STIL: variants seen among roughly 807,000 people sequenced by gnomAD.
STIL encodes the protein STIL centriolar assembly protein.
Under a neutral mutation model 110.1 loss-of-function variants are expected in STIL, and 55 were observed. The observed-to-expected ratio is 0.50, with a 90% CI of 0.40 to 0.63. The LOEUF is 0.63. Ranked by LOEUF, STIL falls within the 20% of genes least tolerant of loss-of-function variation. The pLI is 0.00. For missense variants in STIL, 1,358 were observed against 1,530.0 expected, an observed-to-expected ratio of 0.89 and a Z score of 1.87; for synonymous variants, 481 against 530.0, an observed-to-expected ratio of 0.91 and a Z score of 1.27.
At chr1:47,259,359 G>A (rs1644419615) in intron 16 of STIL, among the ~76,000 whole-genome samples, 1 of 126,722 alleles carries the variant, frequency 7.9e-6, no homozygotes, top group Non-Finnish European at 1.6e-5. Flanking sequence ...GCGCTATCTC[G>A]GCTCACTGCG....
In STIL at chr1:47,251,516, C is replaced by T. The variant is rs145089798; in HGVS notation, c.3487G>A (p.Glu1163Lys). The T allele has an allele frequency of 2.7e-5, 44 of 1,614,054 alleles. No homozygotes were observed. Among genetic ancestry groups the T allele is most frequent in the Non-Finnish European group, 3.6e-5 (42 of 1,180,042 alleles). The part of the protein sequence containing the change: ...LLNQNLRSIP[E>K]QLGGQKEPSK... ...GGCTCTTTCTGACCACCAAGCTGTTCAGGTATGGACCTAAGGTTCTGATTC... is the reference window on the plus strand; with the variant it reads ...GGCTCTTTCTGACCACCAAGCTGTTTAGGTATGGACCTAAGGTTCTGATTC... The change falls in exon 17 of 17, where the codon GAA becomes AAA. Residue 1163 changes from glutamate to lysine, a missense_variant. Coordinates refer to ENST00000371877, the MANE Select transcript of STIL (RefSeq NM_001048166.1).
At chr1:47,260,262 T>C in intron 16 of STIL, 27 bp downstream of exon 16, 1 of 1,591,584 alleles carries the variant, frequency 6.3e-7, no homozygotes, top group Non-Finnish European at 8.5e-7. Flanking sequence ...ATTTATTCAC[T>C]CTTTAAAACA....
At chr1:47,291,813 G>A (rs1477219503) in intron 8 of STIL, among the ~76,000 whole-genome samples, 1 of 151,974 alleles carries the variant, frequency 6.6e-6, no homozygotes, top group Admixed American at 6.6e-5. Context: ...TGATCCACCC[G>A]CCTTGGCCTC....
At chr1:47,274,890 A>G (rs1014445745) in intron 12 of STIL, among the ~76,000 whole-genome samples, 1 of 151,900 alleles carries the variant, frequency 6.6e-6, no homozygotes, top group Admixed American at 6.6e-5. Flanking sequence ...AGTGGCTCAC[A>G]CCTGAAATCC....
intron 14 of STIL, among the ~76,000 whole-genome samples, chr1:47,265,250 A>AAAAAAAC (rs1644609532): frequency 4.7e-5 from 7 of 148,592 alleles, no homozygotes; most frequent in Non-Finnish European, 4.5e-5. Flanking sequence ...AAAAAAAAAA[A>AAAAAAAC]AAAAAAAAAA....
intron 14 of STIL, among the ~76,000 whole-genome samples, chr1:47,268,890 G>A (rs534670394): frequency 2.0e-5 from 3 of 151,942 alleles, no homozygotes; most frequent in Non-Finnish European, 2.9e-5. Context: ...TCAGGAGATC[G>A]AGGCCATCCT....
chr1:47,269,039 C>T (rs1181553468), intron 14 of STIL, among the ~76,000 whole-genome samples: 2 of 149,658 alleles, frequency 1.3e-5, no homozygotes, highest in Non-Finnish European at 3.0e-5. Context: ...TGCAGTGAGC[C>T]GAGATTGCAC....
chr1:47,260,441 G>A lies in STIL; in HGVS notation c.2928C>T (p.Asn976=), dbSNP rs1244025143. 1.9e-6 allele frequency: 3 copies of A among 1,614,028 alleles called. No homozygotes were observed. Among genetic ancestry groups the A allele is most frequent in the East Asian group, 2.2e-5 (1 of 44,890 alleles). The stretch of plus-strand genomic sequence containing the variant: ...GTGTTTTTTTCTTTGTATGGTAAAC[G>A]TTTTGGGTTCTGGTGCATTCATGAC... ...IISHECTRTQ[N]VYHTKKKTHH... Residue 976 remains asparagine, a synonymous_variant, in exon 16 of 17, where the codon AAC becomes AAT. Coordinates refer to ENST00000371877, the MANE Select transcript of STIL (RefSeq NM_001048166.1).
At chr1:47,288,402 T>G (rs1271139136) in intron 9 of STIL, among the ~76,000 whole-genome samples, 1 of 152,092 alleles carries the variant, frequency 6.6e-6, no homozygotes, top group Non-Finnish European at 1.5e-5. Context: ...GTTCAAGTGA[T>G]TCTCCTGCCT....
At chr1:47,307,145 C>G (rs943867574) in intron 2 of STIL, among the ~76,000 whole-genome samples, 1 of 152,128 alleles carries the variant, frequency 6.6e-6, no homozygotes, top group Non-Finnish European at 1.5e-5. Flanking sequence ...GAGCAAAACT[C>G]CATCTCAAAA....
chr1:47,313,507 T>C (rs1646199202), intron 1 of STIL, among the ~76,000 whole-genome samples: 1 of 152,094 alleles, frequency 6.6e-6, no homozygotes. Context: ...CTGCACAGGA[T>C]GCCTCCCTTA....
At position 47,280,903 on chromosome 1, in the gene STIL, T is replaced by G. The variant is rs1271288433; in HGVS notation, c.1555A>C (p.Arg519=). The change falls in exon 12 of 17, where the codon AGG becomes CGG. Residue 519 remains arginine, a synonymous_variant. Coordinates refer to ENST00000371877, the MANE Select transcript of STIL (RefSeq NM_001048166.1). ...TGAGAAGATGGTTTAATACTGTTCC[T>G]GGTATGGGGGTTCCCTTTCTTATAG... ...PAYKKGNPHT[R]NSIKPSSHNG... is the part of the protein sequence containing the mutation. The G allele has an allele frequency of 4.3e-6, 7 of 1,614,104 alleles. No homozygotes were observed. The highest frequency in any genetic ancestry group is 5.9e-6 in the Non-Finnish European group (7 of 1,180,038).
chr1:47,305,557 T>C (rs1471012506), intron 2 of STIL, among the ~76,000 whole-genome samples: 1 of 151,558 alleles, frequency 6.6e-6, no homozygotes, highest in South Asian at 2.1e-4. Context: ...GCCTCCCAAG[T>C]AGCTGGGACT....
rs1418455873 is a variant in STIL, at chr1:47,289,592, A to C, written c.873-7T>G. The stretch of plus-strand genomic sequence containing the variant: ...TCCAGATTCTGAAAAAACCCTGCAC[A>C]AAAAAAGTCATTTAATTAAAATTTA... On this transcript the variant is annotated splice_region_variant and splice_polypyrimidine_tract_variant and intron_variant, in intron 8 of 16. Transcript: ENST00000371877. The C allele has an allele frequency of 1.2e-6, 2 of 1,609,864 alleles. No homozygotes were observed. Among genetic ancestry groups the C allele is most frequent in the Non-Finnish European group, 1.7e-6 (2 of 1,176,388 alleles).
At chr1:47,293,912 A>G (rs1274582968) in intron 7 of STIL, among the ~76,000 whole-genome samples, 1 of 152,208 alleles carries the variant, frequency 6.6e-6, no homozygotes, top group Non-Finnish European at 1.5e-5. Context: ...GGGCTAAGGT[A>G]GTACAGACTA....
intron 16 of STIL, among the ~76,000 whole-genome samples, chr1:47,256,712 C>T (rs1402051804): frequency 6.7e-6 from 1 of 150,326 alleles, no homozygotes; most frequent in Admixed American, 6.6e-5. Flanking sequence ...TACAAAACAT[C>T]GGCCAGGCAC....
At chr1:47,282,559 CAGA>C in intron 10 of STIL, 100 bp from the exon 11 acceptor site, 1 of 720,822 alleles carries the variant, frequency 1.4e-6, no homozygotes, top group South Asian at 1.5e-5. Context: ...CAGTAGTACT[CAGA>C]TCATTTAATT....
Position 47,260,389 on chromosome 1 carries a change from A to G in STIL, c.2980T>C (p.Cys994Arg). The change falls in exon 16 of 17, where the codon TGT (cysteine) becomes CGT (arginine). Residue 994 changes from cysteine to arginine, a missense_variant. Cys to Arg is a radical substitution (Grantham distance 180, BLOSUM62 -3). Coordinates refer to ENST00000371877, the MANE Select transcript of STIL (RefSeq NM_001048166.1). ...THHSRLVDKD[C>R]VLNATLKQLR... Reference sequence around the variant, plus strand: ...TGCTTAAGAGTTGCATTAAGGACACAATCTTTGTCCACCAGTCTTGAATGA... The same window carrying G: ...TGCTTAAGAGTTGCATTAAGGACACGATCTTTGTCCACCAGTCTTGAATGA... The G allele has an allele frequency of 6.2e-7, 1 of 1,614,152 alleles. No homozygotes were observed. Among genetic ancestry groups the G allele is most frequent in the South Asian group, 1.1e-5 (1 of 91,078 alleles).
chr1:47,290,255 A>G (rs958384582), intron 8 of STIL, among the ~76,000 whole-genome samples: 7 of 152,260 alleles, frequency 4.6e-5, no homozygotes, highest in African/African-American at 1.7e-4. Context: ...AGATTAATAA[A>G]TATGACTAAA....
Sources: allele counts gnomAD v4.1 joint callset (sites outside exome capture counted in the v4.1 genomes callset), GRCh38; gene constraint gnomAD v4.1.1; transcripts MANE v1.5; gene names NCBI Gene and HGNC (gene_info 2026-07-23, HGNC 2026-07-21).